Variants in ELP4 observed in about 807,000 individuals in gnomAD.
The protein encoded by ELP4 is elongator complex protein 4.
Under a neutral mutation model 48.9 loss-of-function variants are expected in ELP4, and 51 were observed. That is an observed-to-expected ratio of 1.04 (90% confidence interval 0.83 to 1.32). The LOEUF is 1.32. ELP4 is among the 40% of genes most tolerant of loss of function. ELP4 has a pLI of 0.00. For missense variants in ELP4, 519 were observed against 514.6 expected (o/e 1.01, Z -0.08); for synonymous variants, 210 against 189.2 (o/e 1.11, Z -0.90).
intron 3 of ELP4, among the ~76,000 whole-genome samples, chr11:31,577,163 G>A (rs564665970): frequency 4.6e-5 from 7 of 152,204 alleles, no homozygotes; most frequent in South Asian, 2.1e-4. Flanking sequence ...ACACCTCTAC[G>A]CAAATAAACT....
chr11:31,542,829 TAAAAC>T (rs964610887), intron 3 of ELP4, among the ~76,000 whole-genome samples: 6 of 151,528 alleles, frequency 4.0e-5, no homozygotes, highest in African/African-American at 1.5e-4. Flanking sequence ...AAAAATCAAT[TAAAAC>T]AAAAAAGAAA....
chr11:31,557,975 A>G (rs781779767), intron 3 of ELP4, among the ~76,000 whole-genome samples: 110 of 152,066 alleles, frequency 7.2e-4, no homozygotes, highest in Non-Finnish European at 1.2e-3. Context: ...AAATACAACT[A>G]TTAGGAGAGT....
Position 31,788,261 on chromosome 11 carries a change from G to A in ELP4, c.*4737G>A, listed in dbSNP as rs1315738827. 1 of 226,458 alleles carries A rather than the reference G, an allele frequency of 4.4e-6. No homozygotes were observed. Among genetic ancestry groups the A allele is most frequent in the African/African-American group, 2.2e-5 (1 of 44,934 alleles). 14.0% of individuals were successfully genotyped at this position (226,458 alleles called of 1,614,324 possible). On this transcript the variant is annotated 3_prime_UTR_variant, in exon 10 of 10. Coordinates refer to ENST00000640961, the MANE Select transcript of ELP4 (RefSeq NM_019040.5). ...TGTTTGGCTTAAGCTGCCAATGACT[G>A]AAGGCCTTTAATTCCCACCGGCCAG...
intron 2 of ELP4, among the ~76,000 whole-genome samples, chr11:31,530,853 A>T (rs748204790): frequency 2.6e-5 from 4 of 152,142 alleles, no homozygotes; most frequent in Non-Finnish European, 4.4e-5. Context: ...TAAGTCCCCA[A>T]ACTGAATATA....
chr11:31,686,568 A>G (rs1946166191), intron 9 of ELP4, among the ~76,000 whole-genome samples: 1 of 152,106 alleles, frequency 6.6e-6, no homozygotes. Flanking sequence ...GAGATTACCA[A>G]TCAGATTTGT....
At chr11:31,733,096 T>C (rs1003644632) in intron 9 of ELP4, among the ~76,000 whole-genome samples, 7 of 152,156 alleles carry the variant, frequency 4.6e-5, no homozygotes, top group African/African-American at 1.7e-4. Context: ...ACCCAACAGC[T>C]GCAGAATATA....
At chr11:31,736,470 A>G (rs1947320264) in intron 9 of ELP4, among the ~76,000 whole-genome samples, 1 of 152,198 alleles carries the variant, frequency 6.6e-6, no homozygotes, top group Non-Finnish European at 1.5e-5. Context: ...GCCAAAATTG[A>G]CAAATGGGAT....
At chr11:31,523,765 AAGAT>A (rs1473882492) in intron 2 of ELP4, among the ~76,000 whole-genome samples, 4 of 152,214 alleles carry the variant, frequency 2.6e-5, no homozygotes, top group African/African-American at 9.6e-5. Flanking sequence ...TTTAAAATCA[AAGAT>A]AGATTTTTCT....
chr11:31,644,766 G>A (rs1945168502), intron 7 of ELP4, among the ~76,000 whole-genome samples: 1 of 151,672 alleles, frequency 6.6e-6, no homozygotes. Context: ...TCCTTATGAA[G>A]CTTGGAGGTG....
chr11:31,555,451 A>G (rs1356202646), intron 3 of ELP4, among the ~76,000 whole-genome samples: 10 of 151,960 alleles, frequency 6.6e-5, no homozygotes, highest in Admixed American at 5.9e-4. Flanking sequence ...TATTTCTTAC[A>G]TATTTGTTAT....
rs1948907713 is a variant in ELP4, at chr11:31,788,768, T to C, written c.*5244T>C. The C allele has an allele frequency of 4.8e-6, 1 of 209,642 alleles. No individual in the cohort carries two copies. The highest frequency in any genetic ancestry group is 9.7e-6 in the Non-Finnish European group (1 of 102,578). 13.0% of individuals were successfully genotyped at this position (209,642 alleles called of 1,614,324 possible). A position where few individuals can be genotyped will look rare whatever the true frequency, so the allele number is the denominator to read the frequency against. ...TACACCCTGCTGTAAGTGGAATTTT[T>C]TTCTAACACGTTTTTGATTTATGGT... On this transcript the variant is annotated 3_prime_UTR_variant, in exon 10 of 10. Transcript: ENST00000640961.
intron 3 of ELP4, among the ~76,000 whole-genome samples, chr11:31,579,852 T>C (rs1314990388): frequency 6.6e-6 from 1 of 151,772 alleles, no homozygotes; most frequent in African/African-American, 2.4e-5. Flanking sequence ...AGTTAGCGGG[T>C]CCAGCACACC....
At chr11:31,523,472 A>T (rs1956248439) in intron 2 of ELP4, among the ~76,000 whole-genome samples, 1 of 152,212 alleles carries the variant, frequency 6.6e-6, no homozygotes, top group Non-Finnish European at 1.5e-5. Flanking sequence ...ATGTAGAAGC[A>T]TACCTGTGCA....
chr11:31,755,316 G>A (rs1180811864), intron 9 of ELP4, among the ~76,000 whole-genome samples: 1 of 152,172 alleles, frequency 6.6e-6, no homozygotes, highest in African/African-American at 2.4e-5. Context: ...AATAAATGTT[G>A]CAGACAAGAT....
intron 2 of ELP4, among the ~76,000 whole-genome samples, chr11:31,533,156 T>A (rs1048091162): frequency 1.3e-5 from 2 of 152,108 alleles, no homozygotes; most frequent in Non-Finnish European, 2.9e-5. Context: ...ATGGTGAGCA[T>A]TGTACCCAAT....
chr11:31,535,802 A>T (rs1956491091), intron 2 of ELP4, among the ~76,000 whole-genome samples: 2 of 152,132 alleles, frequency 1.3e-5, no homozygotes, highest in Non-Finnish European at 1.5e-5. Flanking sequence ...TTAGAGATTA[A>T]TTTTGCTTTC....
At chr11:31,779,445 T>C (rs1948321699) in intron 9 of ELP4, among the ~76,000 whole-genome samples, 1 of 152,082 alleles carries the variant, frequency 6.6e-6, no homozygotes, top group Non-Finnish European at 1.5e-5. Flanking sequence ...ATCTTATGTG[T>C]CTATAGGATC....
At chr11:31,687,536 G>A (rs1198067909) in intron 9 of ELP4, 1 of 152,142 alleles carries the variant, frequency 6.6e-6, no homozygotes, top group Non-Finnish European at 1.5e-5. Flanking sequence ...AGGGGCATAG[G>A]GCTCAAAACC....
intron 5 of ELP4, among the ~76,000 whole-genome samples, chr11:31,615,653 A>G (rs7131266): frequency 0.027 from 4,092 of 151,966 alleles, 169 homozygotes; most frequent in African/African-American, 0.092. Flanking sequence ...TTGGAGATCA[A>G]TTCTCCTTAG....
Sources: gnomAD v4.1 joint callset for allele counts (sites outside exome capture counted in the v4.1 genomes callset) on GRCh38, gnomAD v4.1.1 for gene constraint, MANE v1.5 for transcripts, NCBI Gene and HGNC (gene_info 2026-07-23, HGNC 2026-07-21) for gene names.